ARHGDIG: variants seen among roughly 807,000 people sequenced by gnomAD.
ARHGDIG encodes the protein rho GDP-dissociation inhibitor 3.
A neutral mutation model predicts 20.2 loss-of-function variants in ARHGDIG; 14 were observed. That is an observed-to-expected ratio of 0.69 (90% CI 0.46 to 1.08). ARHGDIG has a LOEUF of 1.08. Ranked by LOEUF, ARHGDIG falls within the 50% of genes least tolerant of loss-of-function variation. The probability of loss-of-function intolerance (pLI) is 0.00; values close to 1 mark genes in which losing one functional copy is unlikely to be tolerated. For missense variants in ARHGDIG, 311 were observed against 301.8 expected, an observed-to-expected ratio of 1.03 and a Z score of -0.23; for synonymous variants, 193 against 138.6, an observed-to-expected ratio of 1.39 and a Z score of -2.76.
intron 2 of ARHGDIG, 26 bp from the exon 3 acceptor site, chr16:281,999 C>T: frequency 6.2e-7 from 1 of 1,607,978 alleles, no homozygotes; most frequent in Middle Eastern, 1.7e-4. Context: ...TGGGGGGCAT[C>T]CTGCAGACTT....
chr16:282,790 C>T lies in ARHGDIG; in HGVS notation c.654C>T (p.Cys218=), dbSNP rs758312207. ...THHLSWEWGL[C]ICQDWKD is the part of the protein sequence containing the mutation. ...ACCTGTCCTGGGAGTGGGGTCTCTG[C>T]ATCTGCCAGGACTGGAAGGACTGAA... Residue 218 remains cysteine (C), a synonymous_variant, in exon 6 of 6, where the codon TGC becomes TGT. Transcript: ENST00000219409. 17 of 1,606,730 alleles carry T rather than the reference C, an allele frequency of 1.1e-5. No individual in the cohort carries two copies. The highest frequency in any genetic ancestry group is 1.3e-5 in the African/African-American group (1 of 74,790).
At chr16:281,599 C>A in intron 1 of ARHGDIG, 147 bp from the exon 2 acceptor site, 1 of 1,000,926 alleles carries the variant, frequency 1.0e-6, no homozygotes, top group Non-Finnish European at 1.4e-6. Context: ...CCTGCTCTCT[C>A]TGCTCGCTCT....
rs2052275469 is a variant in ARHGDIG at position 280,819 on chromosome 16, C to T, written c.73+66C>T. On this transcript the variant is annotated intron_variant, in intron 1 of 5. Transcript: ENST00000219409. This position sits in a 1 kb window ranked among gnomAD's most constrained non-coding sequence, Gnocchi z 6.6. ...AGCCCCGGGCGGGGAGTAGCCCCTCCCCCGCGGCAACTTTGGGGGCGCGCA... is the reference window on the plus strand; with the variant it reads ...AGCCCCGGGCGGGGAGTAGCCCCTCTCCCGCGGCAACTTTGGGGGCGCGCA... 1.8e-6 allele frequency: 2 copies of T among 1,136,156 alleles called. No individual in the cohort carries two copies. The highest frequency in any genetic ancestry group is 8.0e-5 in the East Asian group (2 of 24,868). The allele number at this position is 1,136,156 out of a possible 1,614,324, so 70.4% of individuals were successfully genotyped here.
chr16:280,966 C>T lies in ARHGDIG; in HGVS notation c.73+213C>T, dbSNP rs562429863. On this transcript the variant is annotated intron_variant, in intron 1 of 5. Transcript: ENST00000219409. The surrounding 1 kb of genome is among the most constrained non-coding windows in gnomAD (Gnocchi z 6.6). ...CGGGTCGGCTTGGGAAGCGGCGGCG[C>T]TGGGACCCTCTCCCCCTGGACACCG... The T allele has an allele frequency of 3.2e-3, 779 of 239,906 alleles. 7 individuals are homozygous for T. The highest frequency in any genetic ancestry group is 0.017 in the African/African-American group (732 of 43,308). The allele number at this position is 239,906 out of a possible 1,614,324, so 14.9% of individuals were successfully genotyped here. A position where few individuals can be genotyped will look rare whatever the true frequency, so the allele number is the denominator to read the frequency against.
chr16:281,708 C>T lies in ARHGDIG; in HGVS notation c.74-38C>T, dbSNP rs1351974941. The T allele has an allele frequency of 3.3e-6, 5 of 1,522,958 alleles. No individual in the cohort carries two copies. The Admixed American group carries it at 6.0e-5, about 18-fold the overall frequency. 94.3% of individuals were successfully genotyped at this position (1,522,958 alleles called of 1,614,324 possible). The stretch of plus-strand genomic sequence containing the variant: ...AGCCTGGTGCTCGAATGCCAGGGTC[C>T]GCTAGTGGCTGCTGCTCACGCCCCT... On this transcript the variant is annotated intron_variant, in intron 1 of 5. Transcript: ENST00000219409.
rs780497810 is a variant in ARHGDIG at position 282,491 on chromosome 16, C to T, written c.439C>T (p.Leu147Phe). 2.5e-6 allele frequency: 4 copies of T among 1,610,930 alleles called. No homozygotes were observed. Among genetic ancestry groups the T allele is most frequent in the East Asian group, 2.2e-5 (1 of 44,790 alleles). The change falls in exon 5 of 6, where the codon CTC becomes TTC. Residue 147 changes from leucine to phenylalanine, a missense_variant. Transcript: ENST00000219409. ...FKVHREIVSGLKCLHHTYRRG... is the reference protein window; with the variant it reads ...FKVHREIVSGFKCLHHTYRRG... ...GGTCCACAGGGAGATTGTCAGCGGC[C>T]TCAAGTGTCTGCACCACACCTACCG...
rs2141443122 is a variant in ARHGDIG at position 280,926 on chromosome 16, G to C, written c.73+173G>C. On this transcript the variant is annotated intron_variant, in intron 1 of 5. Coordinates refer to ENST00000219409, the MANE Select transcript of ARHGDIG (RefSeq NM_001176.4). This position sits in a 1 kb window ranked among gnomAD's most constrained non-coding sequence, Gnocchi z 6.6. Reference sequence around the variant, plus strand: ...ATCCAGGCTCCAGCCCTGTGGGGAAGGGACCAGGTGCGGACGGGTCGGCTT... The same window carrying C: ...ATCCAGGCTCCAGCCCTGTGGGGAACGGACCAGGTGCGGACGGGTCGGCTT... 1 of 294,946 alleles carries C rather than the reference G, an allele frequency of 3.4e-6. No individual in the cohort carries two copies. Among genetic ancestry groups the C allele is most frequent in the Middle Eastern group, 5.9e-4 (1 of 1,694 alleles). 18.3% of individuals were successfully genotyped at this position (294,946 alleles called of 1,614,324 possible). A position where few individuals can be genotyped will look rare whatever the true frequency, so the allele number is the denominator to read the frequency against.
rs779626119 is a variant in ARHGDIG at position 281,825 on chromosome 16, G to A, written c.153G>A (p.Pro51=). The A allele has an allele frequency of 9.9e-6, 16 of 1,611,752 alleles. No homozygotes were observed. The highest frequency in any genetic ancestry group is 1.6e-4 in the Middle Eastern group (1 of 6,064). ...LDEAVPEYRA[P]GRKSLLEIRQ... The stretch of plus-strand genomic sequence containing the variant: ...AGGCTGTGCCCGAGTACCGGGCGCC[G>A]GGGAGGAAGAGCCTCTTGGAGATCC... Residue 51 remains proline (P), a synonymous_variant, in exon 2 of 6, where the codon CCG becomes CCA. Coordinates refer to ENST00000219409, the MANE Select transcript of ARHGDIG (RefSeq NM_001176.4).
chr16:280,779 G>T lies in ARHGDIG; in HGVS notation c.73+26G>T. The T allele has an allele frequency of 7.9e-7, 1 of 1,258,024 alleles. No individual in the cohort carries two copies. The allele number at this position is 1,258,024 out of a possible 1,614,324, so 77.9% of individuals were successfully genotyped here. On this transcript the variant is annotated intron_variant, in intron 1 of 5. Coordinates refer to ENST00000219409, the MANE Select transcript of ARHGDIG (RefSeq NM_001176.4). This position sits in a 1 kb window ranked among gnomAD's most constrained non-coding sequence, Gnocchi z 6.6. Reference sequence around the variant, plus strand: ...GTGAGCGGGCCGGGCAGGGGCGGGGGGCTCGGCTGGTCTCAGCCCCGGGCG... The same window carrying T: ...GTGAGCGGGCCGGGCAGGGGCGGGGTGCTCGGCTGGTCTCAGCCCCGGGCG...
Position 280,670 on chromosome 16 carries a change from C to G in ARHGDIG, c.-11C>G, listed in dbSNP as rs1246503099. ...CTCGGCGGCTCCGCGGCGCCCGGGC[C>G]GCGCGCCGCCATGCTGGGCCTGGAC... On this transcript the variant is annotated 5_prime_UTR_variant, in exon 1 of 6. Transcript: ENST00000219409. This position sits in a 1 kb window ranked among gnomAD's most constrained non-coding sequence, Gnocchi z 6.6. 5.6e-5 allele frequency: 59 copies of G among 1,058,960 alleles called. No individual in the cohort carries two copies. Among genetic ancestry groups the G allele is most frequent in the Non-Finnish European group, 6.4e-5 (56 of 877,838 alleles). 65.6% of individuals were successfully genotyped at this position (1,058,960 alleles called of 1,614,324 possible).
intron 5 of ARHGDIG, 37 bp downstream of exon 5, chr16:282,567 G>GGGGGGCCCGGGGGGGGGGGGGGGC: frequency 1.0e-6 from 1 of 957,428 alleles, no homozygotes; most frequent in Non-Finnish European, 1.5e-6. Flanking sequence ...GCGGGGGGGG[G>GGGGGGCCCGGGGGGGGGGGGGGGC]AAGCGGGGGC....
chr16:280,867 C>T lies in ARHGDIG; in HGVS notation c.73+114C>T, dbSNP rs1302867466. 6 of 586,008 alleles carry T rather than the reference C, an allele frequency of 1.0e-5. No individual in the cohort carries two copies. Among genetic ancestry groups the T allele is most frequent in the Non-Finnish European group, 2.3e-6 (1 of 436,750 alleles). 36.3% of individuals were successfully genotyped at this position (586,008 alleles called of 1,614,324 possible). On this transcript the variant is annotated intron_variant, in intron 1 of 5. Transcript: ENST00000219409. This position sits in a 1 kb window ranked among gnomAD's most constrained non-coding sequence, Gnocchi z 6.6. The stretch of plus-strand genomic sequence containing the variant: ...GCATGGGGACCTCGCGGCGCCGACC[C>T]CCCGGCTGGGGTCTGGCAGGGGTGG...
intron 4 of ARHGDIG, 24 bp downstream of exon 4, chr16:282,397 A>AGGGG: frequency 9.1e-7 from 1 of 1,093,396 alleles, no homozygotes; most frequent in Non-Finnish European, 1.3e-6. Context: ...CAATGGGCGG[A>AGGGG]GGGGATGGGG....
At chr16:282,409 TGGG>T (rs1441543191) in intron 4 of ARHGDIG, 36 bp downstream of exon 4, 1 of 1,125,234 alleles carries the variant, frequency 8.9e-7, no homozygotes, top group South Asian at 1.2e-5. Context: ...GGGATGGGGG[TGGG>T]GGCAACAGCC....
rs45471599 is a variant in ARHGDIG, at chr16:282,816, C to T, written c.*2C>T. The stretch of plus-strand genomic sequence containing the variant: ...ATCTGCCAGGACTGGAAGGACTGAA[C>T]CCCCAGTCCGTGTCTCCCCTACCTC... On this transcript the variant is annotated 3_prime_UTR_variant, in exon 6 of 6. Transcript: ENST00000219409. 4,251 of 1,592,414 alleles carry T rather than the reference C, an allele frequency of 2.7e-3. 91 individuals carry two copies. In the African/African-American group the frequency reaches 0.048, roughly 18 times the overall value.
intron 1 of ARHGDIG, 33 bp from the exon 2 acceptor site, chr16:281,713 G>T (rs1371731549): frequency 1.3e-6 from 2 of 1,532,176 alleles, no homozygotes; most frequent in African/African-American, 2.7e-5. Context: ...GGGTCCGCTA[G>T]TGGCTGCTGC....
rs1340347658 is a variant in ARHGDIG, at chr16:280,896, A to T, written c.73+143A>T. ...GGCTGGGGTCTGGCAGGGGTGGGGG[A>T]CTTCATCCAGGCTCCAGCCCTGTGG... On this transcript the variant is annotated intron_variant, in intron 1 of 5. Coordinates refer to ENST00000219409, the MANE Select transcript of ARHGDIG (RefSeq NM_001176.4). The surrounding 1 kb of genome is among the most constrained non-coding windows in gnomAD (Gnocchi z 6.6). The T allele has an allele frequency of 8.2e-6, 3 of 364,206 alleles. No individual in the cohort carries two copies. The Admixed American group carries it at 1.8e-4, about 22-fold the overall frequency. 22.6% of individuals were successfully genotyped at this position (364,206 alleles called of 1,614,324 possible). A position where few individuals can be genotyped will look rare whatever the true frequency, so the allele number is the denominator to read the frequency against.
At position 282,028 on chromosome 16, in the gene ARHGDIG, C is replaced by G. The variant is rs200015949; in HGVS notation, c.257C>G (p.Pro86Arg). The change falls in exon 3 of 6, where the codon CCA becomes CGA. Residue 86 changes from proline to arginine, a missense_variant. Physicochemically the swap from Pro to Arg is moderately radical, Grantham distance 103. Transcript: ENST00000219409. Reference protein sequence around the residue: ...LLGPLPPAVDPSLPNVQVTRL... With the variant: ...LLGPLPPAVDRSLPNVQVTRL... Reference sequence around the variant, plus strand: ...CAGACTTCCAGTTTCTCCTCAGACCCAAGCCTGCCCAATGTGCAGGTGACC... The same window carrying G: ...CAGACTTCCAGTTTCTCCTCAGACCGAAGCCTGCCCAATGTGCAGGTGACC... 5.0e-6 allele frequency: 8 copies of G among 1,612,462 alleles called. No individual in the cohort carries two copies. The highest frequency in any genetic ancestry group is 1.1e-5 in the South Asian group (1 of 91,058).
In ARHGDIG at chr16:282,082, C is replaced by CGGG. The variant is rs1023764690; in HGVS notation, c.313_315dup (p.Gly105dup). 1 of 1,612,732 alleles carries CGGG rather than the reference C, an allele frequency of 6.2e-7. No homozygotes were observed. Among genetic ancestry groups the CGGG allele is most frequent in the Non-Finnish European group, 8.5e-7 (1 of 1,179,930 alleles). On this transcript the variant is annotated inframe_insertion, in exon 3 of 6. Transcript: ENST00000219409. ...CTGACACTCCTGTCGGAACAGGCTC[C>CGGG]GGGGCCCGTCGTCATGGATCTCACA...
Sources: allele counts gnomAD v4.1 joint callset, GRCh38; gene constraint gnomAD v4.1.1; non-coding constraint Gnocchi (gnomAD v3.1); transcripts MANE v1.5; gene names NCBI Gene and HGNC (gene_info 2026-07-23, HGNC 2026-07-21).